The following GRIA4 variants were observed in gnomAD, a reference collection of about 807,000 sequenced individuals.
GRIA4 encodes glutamate receptor 4.
Under a neutral mutation model 104.0 loss-of-function variants are expected in GRIA4, and 34 were observed. The ratio of observed to expected loss-of-function variants is 0.33; its 90% CI spans 0.25 to 0.44. GRIA4 has a LOEUF of 0.44. Ranked by LOEUF, GRIA4 falls within the 20% of genes least tolerant of loss-of-function variation. The pLI is 1.00. For missense variants in GRIA4, 750 were observed against 1,096.5 expected (o/e 0.68, Z 4.46); for synonymous variants, 386 against 381.9 (o/e 1.01, Z -0.13).
intron 4 of GRIA4, among the ~76,000 whole-genome samples, chr11:105,754,092 G>T (rs566987687): frequency 6.6e-6 from 1 of 152,078 alleles, no homozygotes; most frequent in African/African-American, 2.4e-5. Flanking sequence ...GGGGCTAAAA[G>T]TCCCAACCCT....
intron 14 of GRIA4, among the ~76,000 whole-genome samples, chr11:105,960,602 T>C (rs547062625): frequency 6.6e-6 from 1 of 152,032 alleles, no homozygotes. Flanking sequence ...CTGCCGCCCC[T>C]CCCCCAAGGA....
At chr11:105,824,248 T>A (rs1361690232) in intron 4 of GRIA4, among the ~76,000 whole-genome samples, 3 of 152,128 alleles carry the variant, frequency 2.0e-5, no homozygotes, top group Non-Finnish European at 4.4e-5. Context: ...CAGCCTCTGG[T>A]TCCACCCCCT....
intron 3 of GRIA4, among the ~76,000 whole-genome samples, chr11:105,749,705 TTTAA>T: frequency 6.6e-6 from 1 of 152,292 alleles, no homozygotes; most frequent in East Asian, 1.9e-4. Context: ...AGAAGACATA[TTTAA>T]TTAGTTGACA....
At chr11:105,619,525 TTAAATCAC>T (rs1224555597) in intron 3 of GRIA4, among the ~76,000 whole-genome samples, 24 of 152,116 alleles carry the variant, frequency 1.6e-4, no homozygotes, top group Admixed American at 2.6e-4. Context: ...ATTGTTAATT[TTAAATCAC>T]GTACAGAAGT....
At chr11:105,835,518 A>G (rs1201464920) in intron 4 of GRIA4, among the ~76,000 whole-genome samples, 1 of 152,016 alleles carries the variant, frequency 6.6e-6, no homozygotes, top group African/African-American at 2.4e-5. Context: ...ACAGCCATGT[A>G]CACCTAAGAT....
chr11:105,922,161 A>G (rs1239425321), intron 11 of GRIA4, among the ~76,000 whole-genome samples: 1 of 152,166 alleles, frequency 6.6e-6, no homozygotes, highest in Non-Finnish European at 1.5e-5. Context: ...AATACTCAAT[A>G]TGGAAAAGTG....
intron 4 of GRIA4, among the ~76,000 whole-genome samples, chr11:105,841,232 CA>C (rs547615865): frequency 0.026 from 3,635 of 142,350 alleles, 148 homozygotes; most frequent in African/African-American, 0.084. Flanking sequence ...GTGGGTTCTT[CA>C]AAAAAAAAAA....
intron 14 of GRIA4, among the ~76,000 whole-genome samples, chr11:105,948,245 T>G (rs1948367072): frequency 6.6e-6 from 1 of 152,208 alleles, no homozygotes; most frequent in African/African-American, 2.4e-5. Flanking sequence ...TTAAAACACA[T>G]TTTAAGTGAT....
chr11:105,645,622 C>T (rs750925085), intron 3 of GRIA4, among the ~76,000 whole-genome samples: 10 of 152,100 alleles, frequency 6.6e-5, no homozygotes, highest in Non-Finnish European at 1.3e-4. Context: ...CTCTACAAAA[C>T]TTCCTTTAAA....
At chr11:105,622,076 G>T (rs115181080) in intron 3 of GRIA4, among the ~76,000 whole-genome samples, 2 of 151,316 alleles carry the variant, frequency 1.3e-5, no homozygotes, top group African/African-American at 4.8e-5. Context: ...TGTCATATAC[G>T]TTGCAAATTA....
chr11:105,715,225 A>G (rs560725846), intron 3 of GRIA4, among the ~76,000 whole-genome samples: 1 of 152,276 alleles, frequency 6.6e-6, no homozygotes, highest in East Asian at 1.9e-4. Context: ...AGATGCTGTA[A>G]CCATACTATT....
In GRIA4 at chr11:105,974,056, A is replaced by C. The variant is rs571603989; in HGVS notation, c.2410-254A>C. Among the ~76,000 whole-genome samples, 35 of 152,314 alleles carry C rather than the reference A, an allele frequency of 2.3e-4. No individual in the cohort carries two copies. In the South Asian group the frequency reaches 7.2e-3, roughly 32 times the overall value. On this transcript the variant is annotated intron_variant, in intron 15 of 16. Transcript: ENST00000282499. ...TATAATGGTTTTCATTGCATATTTA[A>C]TAATGATAAAATGTTACTGATTTCA...
chr11:105,941,863 C>T lies in GRIA4; in HGVS notation c.2294+7894C>T, dbSNP rs191678100. Among the ~76,000 whole-genome samples, 175 of 152,136 alleles carry T rather than the reference C, an allele frequency of 1.2e-3. No individual in the cohort carries two copies. In the Middle Eastern group the frequency reaches 0.027, roughly 24 times the overall value. On this transcript the variant is annotated intron_variant, in intron 14 of 16. Coordinates refer to ENST00000282499, the MANE Select transcript of GRIA4 (RefSeq NM_000829.4). ...AAGAGTGATTGTTTTGTATTTGGTC[C>T]TGATAGATAAGCGGCCTCTGAATAT...
chr11:105,646,850 C>T (rs1951545099), intron 3 of GRIA4, among the ~76,000 whole-genome samples: 1 of 152,144 alleles, frequency 6.6e-6, no homozygotes, highest in South Asian at 2.1e-4. Context: ...TGGAAGACAA[C>T]CTAGGCAATA....
intron 4 of GRIA4, among the ~76,000 whole-genome samples, chr11:105,773,339 A>G (rs995706526): frequency 5.3e-5 from 8 of 152,150 alleles, no homozygotes; most frequent in Admixed American, 2.6e-4. Context: ...AATAGCAGGT[A>G]TATATTAATT....
intron 4 of GRIA4, among the ~76,000 whole-genome samples, chr11:105,834,967 T>G (rs1213809514): frequency 6.6e-6 from 1 of 152,088 alleles, no homozygotes. Context: ...TCAATATATG[T>G]ATAAGATCAG....
At chr11:105,880,687 A>C (rs1464556463) in intron 5 of GRIA4, among the ~76,000 whole-genome samples, 1 of 152,124 alleles carries the variant, frequency 6.6e-6, no homozygotes, top group Non-Finnish European at 1.5e-5. Context: ...TGAAGGTGAA[A>C]ATTTTGTTAG....
chr11:105,915,941 T>C (rs1001808068), intron 10 of GRIA4, among the ~76,000 whole-genome samples: 1 of 152,116 alleles, frequency 6.6e-6, no homozygotes, highest in African/African-American at 2.4e-5. Context: ...TGCAGCACTT[T>C]TGGAGGCCGA....
At chr11:105,873,668 A>G (rs1428274948) in intron 5 of GRIA4, among the ~76,000 whole-genome samples, 1 of 152,136 alleles carries the variant, frequency 6.6e-6, no homozygotes, top group Non-Finnish European at 1.5e-5. Context: ...TTCTCTAATG[A>G]CCAGTGATCA....
Sources: allele counts gnomAD v4.1 joint callset (sites outside exome capture counted in the v4.1 genomes callset), GRCh38; gene constraint gnomAD v4.1.1; transcripts MANE v1.5; gene names NCBI Gene and HGNC (gene_info 2026-07-23, HGNC 2026-07-21).